Variants in ZNRF1 observed in about 807,000 individuals in gnomAD.
ZNRF1 encodes the protein zinc and ring finger 1, also known as E3 ubiquitin-protein ligase ZNRF1.
Under a neutral mutation model 18.4 loss-of-function variants are expected in ZNRF1, and 3 were observed. The ratio of observed to expected loss-of-function variants is 0.16; its 90% confidence interval spans 0.07 to 0.42. The LOEUF is 0.42. Ranked by LOEUF, ZNRF1 falls within the 10% of genes least tolerant of loss-of-function variation. ZNRF1 has a pLI of 0.99. For synonymous variants in ZNRF1, 157 were observed against 144.2 expected, an observed-to-expected ratio of 1.09 and a Z score of -0.64; for missense variants, 310 against 329.8, an observed-to-expected ratio of 0.94 and a Z score of 0.47.
chr16:75,050,716 G>A (rs2035585535), intron 1 of ZNRF1, among the ~76,000 whole-genome samples: 1 of 148,746 alleles, frequency 6.7e-6, no homozygotes, highest in Non-Finnish European at 1.5e-5. Context: ...AAAAAATACA[G>A]AAAAATTAGC....
chr16:75,066,340 A>T (rs1201602070), intron 1 of ZNRF1, among the ~76,000 whole-genome samples: 2 of 152,220 alleles, frequency 1.3e-5, no homozygotes, highest in African/African-American at 4.8e-5. Context: ...CTGTTACATC[A>T]GTAGACCAAA....
rs535033462 is a variant in ZNRF1 at position 75,066,515 on chromosome 16, A to T, written c.425-27057A>T. Among the ~76,000 whole-genome samples, 5 of 152,254 alleles carry T rather than the reference A, an allele frequency of 3.3e-5. No homozygotes were observed. The East Asian group carries it at 9.6e-4, about 29-fold the overall frequency. ...CAGCAAACATTATATTCAATGGAAG[A>T]TTTTTTTGAGACAGTTTTGCTCGGT... On this transcript the variant is annotated intron_variant, in intron 1 of 4. Transcript: ENST00000335325.
chr16:75,020,398 G>A (rs1047709330), intron 1 of ZNRF1, among the ~76,000 whole-genome samples: 4 of 151,792 alleles, frequency 2.6e-5, no homozygotes, highest in Admixed American at 1.3e-4. Context: ...TATTATGATA[G>A]CAATTGTGTA....
chr16:75,004,776 C>T lies in ZNRF1; in HGVS notation c.424+4681C>T, dbSNP rs577372737. Reference sequence around the variant, plus strand: ...CTCAGGTGCGCACCACTACACCTGGCTAAATTTTATACAATCTTTTGTAGA... The same window carrying T: ...CTCAGGTGCGCACCACTACACCTGGTTAAATTTTATACAATCTTTTGTAGA... On this transcript the variant is annotated intron_variant, in intron 1 of 4. Coordinates refer to ENST00000335325, the MANE Select transcript of ZNRF1 (RefSeq NM_032268.5). Among the ~76,000 whole-genome samples the T allele has an allele frequency of 2.6e-5, 4 of 152,154 alleles. No individual in the cohort carries two copies. In the East Asian group the frequency reaches 7.7e-4, roughly 29 times the overall value.
In ZNRF1 at chr16:75,110,590, A is replaced by G. The variant is rs1246702349; in HGVS notation, c.*2890A>G. ...GTTCCCCCCAAAATACACAAAGCAA[A>G]TAAGGCCAAAATGTTCATTGTTGAA... On this transcript the variant is annotated 3_prime_UTR_variant, in exon 5 of 5. Transcript: ENST00000335325. 6.6e-6 allele frequency: 1 copy of G among 152,250 alleles called. No homozygotes were observed. The highest frequency in any genetic ancestry group is 1.5e-5 in the Non-Finnish European group (1 of 68,042). The allele number at this position is 152,250 out of a possible 1,614,324, so 9.4% of individuals were successfully genotyped here. A position where few individuals can be genotyped will look rare whatever the true frequency, so the allele number is the denominator to read the frequency against.
intron 1 of ZNRF1, among the ~76,000 whole-genome samples, chr16:75,089,608 T>A (rs139139215): frequency 1.3e-5 from 2 of 152,308 alleles, no homozygotes; most frequent in East Asian, 3.9e-4. Context: ...GAAAGGACTT[T>A]AGATTTGAAG....
intron 2 of ZNRF1, 107 bp downstream of exon 2, chr16:75,093,774 C>A: frequency 2.5e-6 from 2 of 810,874 alleles, no homozygotes; most frequent in Admixed American, 2.1e-5. Context: ...TATTTTCACC[C>A]TGCCCTCTGG....
Position 75,076,774 on chromosome 16 carries a change from G to A in ZNRF1, c.425-16798G>A, listed in dbSNP as rs370869472. ...GAAGGAGGACTTTTGGGAGATAAGT[G>A]AGTTTAGAAGAGGTCGTGAGTGTGG... On this transcript the variant is annotated intron_variant, in intron 1 of 4. Transcript: ENST00000335325. Among the ~76,000 whole-genome samples, 20 of 151,608 alleles carry A rather than the reference G, an allele frequency of 1.3e-4. 2 individuals carry two copies. The highest frequency in any genetic ancestry group is 1.0e-3 in the South Asian group (5 of 4,764).
At chr16:75,004,341 A>G (rs559489234) in intron 1 of ZNRF1, among the ~76,000 whole-genome samples, 2 of 152,136 alleles carry the variant, frequency 1.3e-5, no homozygotes, top group East Asian at 1.9e-4. Flanking sequence ...CCTCGGTGCT[A>G]TTCTGGAGGC....
At chr16:75,038,860 A>G (rs1012333541) in intron 1 of ZNRF1, among the ~76,000 whole-genome samples, 2 of 150,910 alleles carry the variant, frequency 1.3e-5, no homozygotes, top group African/African-American at 4.9e-5. Flanking sequence ...AAGTGCTGTT[A>G]TTTTTTTTTT....
chr16:75,081,793 T>C (rs1421009758), intron 1 of ZNRF1, among the ~76,000 whole-genome samples: 1 of 152,210 alleles, frequency 6.6e-6, no homozygotes, highest in African/African-American at 2.4e-5. Context: ...CTTGGGCTAC[T>C]GCACCAAGAG....
rs2036347399 is a variant in ZNRF1, at chr16:75,108,864, G to C, written c.*1164G>C. On this transcript the variant is annotated 3_prime_UTR_variant, in exon 5 of 5. Transcript: ENST00000335325. ...AATTGGTCCTCAGATAGTCAGGCCTGGGTGGAGGGAGTGGCAAGTCAGGCG... is the reference window on the plus strand; with the variant it reads ...AATTGGTCCTCAGATAGTCAGGCCTCGGTGGAGGGAGTGGCAAGTCAGGCG... 3.4e-6 allele frequency: 1 copy of C among 296,228 alleles called. No homozygotes were observed. Among genetic ancestry groups the C allele is most frequent in the Non-Finnish European group, 6.1e-6 (1 of 163,930 alleles). The allele number at this position is 296,228 out of a possible 1,614,324, so 18.3% of individuals were successfully genotyped here.
intron 1 of ZNRF1, among the ~76,000 whole-genome samples, chr16:75,078,939 T>C (rs2035976505): frequency 6.6e-6 from 1 of 152,190 alleles, no homozygotes; most frequent in Non-Finnish European, 1.5e-5. Flanking sequence ...GAACTGTTAT[T>C]ATGAATCAAG....
At chr16:75,004,559 T>C (rs373060748) in intron 1 of ZNRF1, among the ~76,000 whole-genome samples, 1 of 152,226 alleles carries the variant, frequency 6.6e-6, no homozygotes, top group African/African-American at 2.4e-5. Flanking sequence ...AAACTGTTCT[T>C]TATTGTCATC....
intron 1 of ZNRF1, among the ~76,000 whole-genome samples, chr16:75,035,748 C>T (rs1271911045): frequency 6.6e-6 from 1 of 152,178 alleles, no homozygotes; most frequent in Non-Finnish European, 1.5e-5. Flanking sequence ...TGTCCGCATG[C>T]GCAGTGGCCG....
Position 75,108,401 on chromosome 16 carries a change from G to A in ZNRF1, c.*701G>A, listed in dbSNP as rs938593724. 1 of 392,212 alleles carries A rather than the reference G, an allele frequency of 2.5e-6. No individual in the cohort carries two copies. The highest frequency in any genetic ancestry group is 4.5e-6 in the Non-Finnish European group (1 of 223,170). The allele number at this position is 392,212 out of a possible 1,614,324, so 24.3% of individuals were successfully genotyped here. A position where few individuals can be genotyped will look rare whatever the true frequency, so the allele number is the denominator to read the frequency against. On this transcript the variant is annotated 3_prime_UTR_variant, in exon 5 of 5. Transcript: ENST00000335325. ...TTCAGAGGATTTAACAATCACAAGT[G>A]TCCTGCAAAAATGCCTGAACATTAT...
intron 1 of ZNRF1, among the ~76,000 whole-genome samples, chr16:75,022,987 T>A (rs1177002965): frequency 6.6e-6 from 1 of 152,178 alleles, no homozygotes; most frequent in African/African-American, 2.4e-5. Context: ...GACTTTTCTT[T>A]CCTGTAATTT....
intron 1 of ZNRF1, among the ~76,000 whole-genome samples, chr16:75,001,982 G>T (rs1219908050): frequency 6.6e-6 from 1 of 152,134 alleles, no homozygotes; most frequent in Admixed American, 6.5e-5. Context: ...TCAAAAGTGT[G>T]TATGGGAGGC....
intron 4 of ZNRF1, chr16:75,106,812 G>A (rs2036321566): frequency 4.3e-6 from 2 of 461,688 alleles, no homozygotes; most frequent in Admixed American, 3.3e-5. Context: ...GGATCAGTTG[G>A]GGAAGAGACC....
Sources: gnomAD v4.1 joint callset for allele counts (sites outside exome capture counted in the v4.1 genomes callset) on GRCh38, gnomAD v4.1.1 for gene constraint, MANE v1.5 for transcripts, NCBI Gene and HGNC (gene_info 2026-07-23, HGNC 2026-07-21) for gene names.